PTPRD: variants seen among roughly 807,000 people sequenced by gnomAD.
PTPRD encodes the protein receptor-type tyrosine-protein phosphatase delta.
PTPRD carries 34 observed loss-of-function variants against 214.5 expected under a neutral mutation model. The ratio of observed to expected loss-of-function variants is 0.16; its 90% confidence interval spans 0.12 to 0.21. The LOEUF is 0.21. PTPRD is among the 10% of genes least tolerant of loss of function. The probability of loss-of-function intolerance (pLI) is 1.00; values close to 1 mark genes in which losing one functional copy is unlikely to be tolerated. For missense variants in PTPRD, 2,545 were observed against 2,398.7 expected, an observed-to-expected ratio of 1.06 and a Z score of -1.27; for synonymous variants, 1,128 against 845.7, an observed-to-expected ratio of 1.33 and a Z score of -5.79.
At chr9:9,514,705 TC>T (rs2096792301) in intron 8 of PTPRD, among the ~76,000 whole-genome samples, 1 of 152,098 alleles carries the variant, frequency 6.6e-6, no homozygotes, top group South Asian at 2.1e-4. Context: ...AAAATGAAGG[TC>T]CTCCTCAGTG....
rs565467597 is a variant in PTPRD at position 8,441,335 on chromosome 9, G to T, written c.3989-4646C>A. 5.9e-5 allele frequency among the ~76,000 whole-genome samples: 9 copies of T among 152,226 alleles called. No homozygotes were observed. In the South Asian group the frequency reaches 1.2e-3, roughly 21 times the overall value. ...ACATTGGGGGGCTTCTGAAAAGGGTGAAATTATTCAGCTCCAGGACTTGCT... is the reference window on the plus strand; with the variant it reads ...ACATTGGGGGGCTTCTGAAAAGGGTTAAATTATTCAGCTCCAGGACTTGCT... On this transcript the variant is annotated intron_variant, in intron 34 of 45. Transcript: ENST00000381196.
chr9:9,706,378 T>G (rs1189171160), intron 7 of PTPRD, among the ~76,000 whole-genome samples: 1 of 152,088 alleles, frequency 6.6e-6, no homozygotes, highest in Non-Finnish European at 1.5e-5. Flanking sequence ...GACACCAAAA[T>G]AAGAGTACTA....
intron 11 of PTPRD, among the ~76,000 whole-genome samples, chr9:8,874,132 A>G (rs2098349725): frequency 1.3e-5 from 2 of 152,188 alleles, no homozygotes; most frequent in South Asian, 4.1e-4. Flanking sequence ...TGAATGAATA[A>G]CAATTCCCAG....
At chr9:8,712,335 A>G (rs925768115) in intron 12 of PTPRD, among the ~76,000 whole-genome samples, 5 of 152,224 alleles carry the variant, frequency 3.3e-5, no homozygotes, top group South Asian at 4.1e-4. Context: ...ACAAATATTT[A>G]GCTTACTGTT....
chr9:9,040,892 A>G (rs2154383325), intron 10 of PTPRD, among the ~76,000 whole-genome samples: 1 of 152,214 alleles, frequency 6.6e-6, no homozygotes, highest in South Asian at 2.1e-4. Context: ...TTTCAGTGCT[A>G]AAGAAGAAAT....
intron 12 of PTPRD, among the ~76,000 whole-genome samples, chr9:8,712,832 T>A (rs1346329815): frequency 6.6e-6 from 1 of 152,062 alleles, no homozygotes; most frequent in Non-Finnish European, 1.5e-5. Context: ...GATTCTCCTG[T>A]CTCAGCCTCC....
intron 2 of PTPRD, among the ~76,000 whole-genome samples, chr9:10,493,577 A>T (rs575682053): frequency 2.0e-5 from 3 of 152,114 alleles, no homozygotes; most frequent in Non-Finnish European, 4.4e-5. Context: ...CCCCTTCCTT[A>T]CACCTTATAC....
At chr9:10,291,234 C>A (rs1016017326) in intron 3 of PTPRD, among the ~76,000 whole-genome samples, 1 of 151,002 alleles carries the variant, frequency 6.6e-6, no homozygotes, top group East Asian at 1.9e-4. Context: ...GAGCAGCCAT[C>A]ATGCAGTCAC....
intron 12 of PTPRD, among the ~76,000 whole-genome samples, chr9:8,709,115 G>A (rs555916183): frequency 1.3e-5 from 2 of 152,154 alleles, no homozygotes; most frequent in South Asian, 4.1e-4. Flanking sequence ...GAGGGGTTGG[G>A]GAGATGTTGG....
At chr9:9,801,330 A>T (rs1333635217) in intron 5 of PTPRD, among the ~76,000 whole-genome samples, 2 of 99,232 alleles carry the variant, frequency 2.0e-5, no homozygotes, top group African/African-American at 1.2e-4. Context: ...AGCAAGCTAA[A>T]GAGGATTAAA....
intron 7 of PTPRD, among the ~76,000 whole-genome samples, chr9:9,607,380 G>A (rs1189671699): frequency 2.0e-5 from 3 of 152,088 alleles, no homozygotes; most frequent in Non-Finnish European, 4.4e-5. Context: ...GACACTATAT[G>A]CTCCACGAAT....
At chr9:9,235,931 G>C (rs1052546067) in intron 9 of PTPRD, among the ~76,000 whole-genome samples, 2 of 152,006 alleles carry the variant, frequency 1.3e-5, no homozygotes, top group African/African-American at 4.8e-5. Context: ...GAACTTATTA[G>C]TCTGAGTCAA....
intron 11 of PTPRD, among the ~76,000 whole-genome samples, chr9:8,814,124 T>C (rs1473966093): frequency 6.6e-6 from 1 of 151,968 alleles, no homozygotes; most frequent in Non-Finnish European, 1.5e-5. Flanking sequence ...TAGAACTAAA[T>C]ACAAATTATA....
chr9:10,227,198 T>C (rs1029130272), intron 3 of PTPRD, among the ~76,000 whole-genome samples: 4 of 152,050 alleles, frequency 2.6e-5, no homozygotes, highest in Non-Finnish European at 4.4e-5. Context: ...TTGTTTACTA[T>C]TACTGTCATC....
rs543837187 is a variant in PTPRD at position 9,739,654 on chromosome 9, G to A, written c.-325-5083C>T. On this transcript the variant is annotated intron_variant, in intron 6 of 45. Coordinates refer to ENST00000381196, the MANE Select transcript of PTPRD (RefSeq NM_002839.4). Reference sequence around the variant, plus strand: ...AAAAAAAAAAGCCAGTTGTGGTTTTGTTGATCCCCTCTGTTGTATGCAGTA... The same window carrying A: ...AAAAAAAAAAGCCAGTTGTGGTTTTATTGATCCCCTCTGTTGTATGCAGTA... Among the ~76,000 whole-genome samples, 6 of 150,678 alleles carry A rather than the reference G, an allele frequency of 4.0e-5. No homozygotes were observed. In the East Asian group the frequency reaches 9.8e-4, roughly 25 times the overall value.
intron 7 of PTPRD, among the ~76,000 whole-genome samples, chr9:9,702,395 T>C (rs942915464): frequency 2.0e-5 from 3 of 152,150 alleles, no homozygotes; most frequent in Admixed American, 6.6e-5. Flanking sequence ...GAAGCATAGT[T>C]TCACAGTGGG....
chr9:10,272,012 T>C (rs939084297), intron 3 of PTPRD, among the ~76,000 whole-genome samples: 2 of 152,214 alleles, frequency 1.3e-5, no homozygotes, highest in Non-Finnish European at 2.9e-5. Context: ...TGAATTTTGT[T>C]ATATTCACAG....
chr9:8,843,648 C>T (rs535334774), intron 11 of PTPRD, among the ~76,000 whole-genome samples: 7 of 152,210 alleles, frequency 4.6e-5, no homozygotes, highest in South Asian at 2.1e-4. Context: ...AGTTGGAATA[C>T]TGGGATAAAA....
In PTPRD at chr9:10,462,933, G is replaced by C. The variant is rs982465404; in HGVS notation, c.-599-121916C>G. 2.0e-5 allele frequency among the ~76,000 whole-genome samples: 3 copies of C among 149,748 alleles called. No homozygotes were observed. In the Admixed American group the frequency reaches 2.0e-4, roughly 10 times the overall value. ...TTAAAAATTATTTGAAAAGAGAACAGTTTTCCAGAGAGTGTGTATATATAC... is the reference window on the plus strand; with the variant it reads ...TTAAAAATTATTTGAAAAGAGAACACTTTTCCAGAGAGTGTGTATATATAC... On this transcript the variant is annotated intron_variant, in intron 2 of 45. Coordinates refer to ENST00000381196, the MANE Select transcript of PTPRD (RefSeq NM_002839.4).
Sources: allele counts gnomAD v4.1 joint callset (sites outside exome capture counted in the v4.1 genomes callset), GRCh38; gene constraint gnomAD v4.1.1; transcripts MANE v1.5; gene names NCBI Gene and HGNC (gene_info 2026-07-23, HGNC 2026-07-21).